The following PARD3 variants were observed in gnomAD, a reference collection of about 807,000 sequenced individuals.
PARD3 encodes the protein partitioning defective 3 homolog.
In PARD3, 75 loss-of-function variants were observed where a neutral mutation model predicts 155.4. The observed-to-expected ratio is 0.48, with a 90% confidence interval of 0.40 to 0.58. The LOEUF is 0.58. PARD3 is among the 20% of genes least tolerant of loss of function. The pLI is 0.00. For synonymous variants in PARD3, 576 were observed against 610.5 expected (o/e 0.94, Z 0.83); for missense variants, 1,642 against 1,721.7 (o/e 0.95, Z 0.82).
intron 1 of PARD3, among the ~76,000 whole-genome samples, chr10:34,786,866 G>T (rs768660545): frequency 6.6e-6 from 1 of 152,094 alleles, no homozygotes; most frequent in Admixed American, 6.5e-5. Context: ...AAAATGGCAT[G>T]CAGAGTTCAA....
intron 1 of PARD3, among the ~76,000 whole-genome samples, chr10:34,736,434 T>C (rs899789660): frequency 1.3e-5 from 2 of 149,862 alleles, no homozygotes; most frequent in Admixed American, 6.7e-5. Flanking sequence ...GCTCCAGTGA[T>C]CCTCCCACAA....
intron 1 of PARD3, among the ~76,000 whole-genome samples, chr10:34,767,328 G>T (rs1838221198): frequency 6.6e-6 from 1 of 152,132 alleles, no homozygotes; most frequent in Admixed American, 6.5e-5. Context: ...GCCACCTGAT[G>T]GCACAGCAGC....
chr10:34,792,165 G>A (rs1041267146), intron 1 of PARD3, among the ~76,000 whole-genome samples: 7 of 152,158 alleles, frequency 4.6e-5, no homozygotes, highest in African/African-American at 7.2e-5. Flanking sequence ...CCGGACGTGC[G>A]CCCACGTGCT....
At chr10:34,735,233 T>C (rs1229880342) in intron 1 of PARD3, among the ~76,000 whole-genome samples, 1 of 152,200 alleles carries the variant, frequency 6.6e-6, no homozygotes, top group African/African-American at 2.4e-5. Flanking sequence ...ACATAAGTTG[T>C]ATGTTTCTTT....
At chr10:34,781,833 T>A (rs1379214497) in intron 1 of PARD3, among the ~76,000 whole-genome samples, 1 of 152,216 alleles carries the variant, frequency 6.6e-6, no homozygotes, top group African/African-American at 2.4e-5. Context: ...GACAGAACAC[T>A]GTGCTCTATC....
At chr10:34,597,837 G>A (rs2089431718) in intron 2 of PARD3, among the ~76,000 whole-genome samples, 1 of 152,108 alleles carries the variant, frequency 6.6e-6, no homozygotes. Flanking sequence ...GAAGCAGGAG[G>A]GCGAACTGCA....
Position 34,790,806 on chromosome 10 carries a change from T to C in PARD3, c.120+24070A>G, listed in dbSNP as rs187837998. On this transcript the variant is annotated intron_variant, in intron 1 of 24. Transcript: ENST00000374788. ...CATTTCTTTAATCTGTGAAGTTACA[T>C]AAAAAAATCATTTAGTGCTTGAAAG... Among the ~76,000 whole-genome samples, 5 of 152,202 alleles carry C rather than the reference T, an allele frequency of 3.3e-5. No homozygotes were observed. The East Asian group carries it at 9.6e-4, about 29-fold the overall frequency.
intron 7 of PARD3, among the ~76,000 whole-genome samples, chr10:34,393,389 G>A (rs1471392605): frequency 6.6e-6 from 1 of 151,638 alleles, no homozygotes; most frequent in African/African-American, 2.4e-5. Flanking sequence ...AGACGAGACT[G>A]GGCAACATTG....
intron 22 of PARD3, among the ~76,000 whole-genome samples, chr10:34,262,323 G>A (rs1955068872): frequency 6.6e-6 from 1 of 152,002 alleles, no homozygotes; most frequent in East Asian, 1.9e-4. Flanking sequence ...CTGGAGTGCA[G>A]TGCTATGATC....
chr10:34,506,423 T>C (rs146553608), intron 3 of PARD3, among the ~76,000 whole-genome samples: 1,846 of 152,274 alleles, frequency 0.012, 41 homozygotes, highest in African/African-American at 0.04. Context: ...ACCCAACACA[T>C]TTATGAAAAT....
intron 22 of PARD3, among the ~76,000 whole-genome samples, chr10:34,146,295 TA>T (rs1948501696): frequency 6.6e-6 from 1 of 152,218 alleles, no homozygotes. Flanking sequence ...TATATTTTTT[TA>T]AGTAGACGAA....
At chr10:34,597,005 A>T (rs2089329951) in intron 2 of PARD3, among the ~76,000 whole-genome samples, 1 of 152,206 alleles carries the variant, frequency 6.6e-6, no homozygotes, top group Admixed American at 6.6e-5. Flanking sequence ...AATTTGCCTC[A>T]CCAAAGAAAC....
At chr10:34,591,645 T>C (rs1293393987) in intron 2 of PARD3, among the ~76,000 whole-genome samples, 1 of 152,130 alleles carries the variant, frequency 6.6e-6, no homozygotes, top group Non-Finnish European at 1.5e-5. Context: ...GGAGCCCACC[T>C]AAAATCAGGG....
At chr10:34,281,364 A>G (rs112835367) in intron 21 of PARD3, among the ~76,000 whole-genome samples, 1 of 152,324 alleles carries the variant, frequency 6.6e-6, no homozygotes, top group African/African-American at 2.4e-5. Context: ...CAGAATGAGA[A>G]GTCAAAAATA....
intron 12 of PARD3, among the ~76,000 whole-genome samples, chr10:34,362,390 T>A (rs1839535453): frequency 6.6e-6 from 1 of 152,218 alleles, no homozygotes; most frequent in Admixed American, 6.5e-5. Flanking sequence ...AGATCAAATA[T>A]ATCAAATACT....
chr10:34,670,297 C>T (rs750730440), intron 2 of PARD3, among the ~76,000 whole-genome samples: 1 of 152,228 alleles, frequency 6.6e-6, no homozygotes, highest in Non-Finnish European at 1.5e-5. Flanking sequence ...TACCAGCCAG[C>T]GCGTGCACAC....
intron 20 of PARD3, among the ~76,000 whole-genome samples, chr10:34,305,663 T>G (rs1383766973): frequency 1.3e-5 from 2 of 152,248 alleles, no homozygotes; most frequent in African/African-American, 2.4e-5. Context: ...AATTATCTTT[T>G]CTGACAGTCT....
chr10:34,591,790 G>A (rs749729163), intron 2 of PARD3, among the ~76,000 whole-genome samples: 12 of 152,238 alleles, frequency 7.9e-5, no homozygotes, highest in Middle Eastern at 3.4e-3. Flanking sequence ...AAGCTAAGCC[G>A]GGGGAGTTTC....
At chr10:34,173,325 G>C (rs990170668) in intron 22 of PARD3, among the ~76,000 whole-genome samples, 5 of 152,170 alleles carry the variant, frequency 3.3e-5, no homozygotes, top group Non-Finnish European at 5.9e-5. Flanking sequence ...CATGTCCACG[G>C]TACCAGGATT....
Sources: allele counts gnomAD v4.1 joint callset (sites outside exome capture counted in the v4.1 genomes callset), GRCh38; gene constraint gnomAD v4.1.1; transcripts MANE v1.5; gene names NCBI Gene and HGNC (gene_info 2026-07-23, HGNC 2026-07-21).